Variants in VPS33A observed in about 807,000 individuals in gnomAD.
VPS33A encodes the protein VPS33A core subunit of CORVET and HOPS complexes, also known as vacuolar protein sorting-associated protein 33A.
VPS33A carries 32 observed loss-of-function variants against 71.8 expected under a neutral mutation model. The ratio of observed to expected loss-of-function variants is 0.45; its 90% CI spans 0.34 to 0.60. The LOEUF is 0.60. Ranked by LOEUF, VPS33A falls within the 20% of genes least tolerant of loss-of-function variation. The pLI is 0.02. For synonymous variants in VPS33A, 311 were observed against 292.7 expected, an observed-to-expected ratio of 1.06 and a Z score of -0.64; for missense variants, 625 against 748.5, an observed-to-expected ratio of 0.84 and a Z score of 1.92.
At chr12:122,250,674 A>C (rs1375644538) in intron 5 of VPS33A, among the ~76,000 whole-genome samples, 1 of 152,184 alleles carries the variant, frequency 6.6e-6, no homozygotes, top group Non-Finnish European at 1.5e-5. Flanking sequence ...AAAATATGAC[A>C]GTGAGACTGT....
chr12:122,244,572 G>A lies in VPS33A; in HGVS notation c.966C>T (p.Phe322=), dbSNP rs763113271. 3.3e-5 allele frequency: 52 copies of A among 1,589,338 alleles called. No homozygotes were observed. Among genetic ancestry groups the A allele is most frequent in the South Asian group, 1.4e-4 (13 of 89,972 alleles). Residue 322 remains phenylalanine (F), a synonymous_variant, in exon 7 of 13, where the codon TTC becomes TTT. Transcript: ENST00000267199. ...TGACACCCAAAACTTGCCTCACCTC[G>A]AATGCTGCAGAGATGATCTTTGCTT... ...SKKAKIISAA[F]EERHNAKTVG...
At position 122,242,410 on chromosome 12, in the gene VPS33A, T is replaced by C. The variant is rs1431278139; in HGVS notation, c.1068A>G (p.Ser356=). The change falls in exon 8 of 13, where the codon TCA becomes TCG. Residue 356 remains serine, a synonymous_variant. Transcript: ENST00000267199. ...AARGSLANHT[S]IAELIKDVTT... ...TGACATCTTTGATCAATTCTGCAAT[T>C]GAGGTATGGTTTGCAAGCGAGCCCC... The C allele has an allele frequency of 6.2e-7, 1 of 1,613,958 alleles. No homozygotes were observed. Among genetic ancestry groups the C allele is most frequent in the Admixed American group, 1.7e-5 (1 of 59,986 alleles).
intron 4 of VPS33A, among the ~76,000 whole-genome samples, chr12:122,257,359 G>A (rs968241586): frequency 2.0e-4 from 30 of 150,914 alleles, no homozygotes; most frequent in Admixed American, 1.1e-3. Context: ...CCCAGAAGGC[G>A]GAGGTTGCAG....
In VPS33A at chr12:122,249,906, T is replaced by C; in HGVS notation, c.740A>G (p.Glu247Gly). 1 of 1,614,042 alleles carries C rather than the reference T, an allele frequency of 6.2e-7. No homozygotes were observed. The highest frequency in any genetic ancestry group is 2.2e-5 in the East Asian group (1 of 44,870). ...LTPLATQLTYEGLIDEIYGIQ... is the reference protein window; with the variant it reads ...LTPLATQLTYGGLIDEIYGIQ... ...GCCATAAATTTCATCAATGAGTCCT[T>C]CATATGTCAGCTGAGTGGCAAGAGG... Residue 247 changes from glutamate to glycine, a missense_variant, in exon 6 of 13, where the codon GAA becomes GGA. Transcript: ENST00000267199.
chr12:122,259,982 G>A (rs1209019628), intron 4 of VPS33A, among the ~76,000 whole-genome samples: 1 of 152,078 alleles, frequency 6.6e-6, no homozygotes, highest in Non-Finnish European at 1.5e-5. Flanking sequence ...GGTCAAGGCT[G>A]CAGTGAGGTA....
rs779946870 is a variant in VPS33A at position 122,249,821 on chromosome 12, G to A, written c.775+50C>T. On this transcript the variant is annotated intron_variant, in intron 6 of 12. Coordinates refer to ENST00000267199, the MANE Select transcript of VPS33A (RefSeq NM_022916.6). ...TATACAAACAGTAGCCTCCACAAAG[G>A]ATATTCTTCTCATATTACCTATTAG... 1.0e-5 allele frequency: 16 copies of A among 1,524,490 alleles called. No homozygotes were observed. In the South Asian group the frequency reaches 1.9e-4, roughly 19 times the overall value. The allele number at this position is 1,524,490 out of a possible 1,614,324, so 94.4% of individuals were successfully genotyped here. A position where few individuals can be genotyped will look rare whatever the true frequency, so the allele number is the denominator to read the frequency against.
rs200005421 is a variant in VPS33A at position 122,242,329 on chromosome 12, G to C, written c.1096+53C>G. 9.2e-4 allele frequency: 1,463 copies of C among 1,590,536 alleles called. 33 individuals carry two copies. In the South Asian group the frequency reaches 0.015, roughly 16 times the overall value. ...GGTGTTGATGACCTAGGTGTCAAAC[G>C]TTGTATGTGCAAGTAGCCCCAGACT... On this transcript the variant is annotated intron_variant, in intron 8 of 12. Transcript: ENST00000267199.
At chr12:122,264,223 C>G (rs535427015) in intron 1 of VPS33A, 24 bp from the exon 2 acceptor site, 4 of 1,494,054 alleles carry the variant, frequency 2.7e-6, no homozygotes, top group Non-Finnish European at 3.6e-6. Context: ...GAAACATTCT[C>G]TTATTATAGT....
intron 8 of VPS33A, among the ~76,000 whole-genome samples, chr12:122,241,574 G>T (rs1954715265): frequency 1.3e-5 from 2 of 151,144 alleles, no homozygotes; most frequent in African/African-American, 4.9e-5. Flanking sequence ...CAAAGTGGTG[G>T]GATTACAGAC....
chr12:122,239,749 CAAAAAAAAAA>C (rs5801475), intron 9 of VPS33A, 119 bp downstream of exon 9: 232 of 197,730 alleles, frequency 1.2e-3, no homozygotes, highest in African/African-American at 6.0e-3. Flanking sequence ...GACTCCGTCT[CAAAAAAAAAA>C]AAAAAAAAAA....
At chr12:122,260,700 G>A (rs1954981349) in intron 4 of VPS33A, among the ~76,000 whole-genome samples, 1 of 152,240 alleles carries the variant, frequency 6.6e-6, no homozygotes, top group South Asian at 2.1e-4. Context: ...TATACACAAA[G>A]TTAAGCCAGG....
intron 4 of VPS33A, among the ~76,000 whole-genome samples, chr12:122,257,156 G>A (rs992061846): frequency 1.3e-5 from 2 of 152,088 alleles, no homozygotes; most frequent in Admixed American, 1.3e-4. Context: ...GCCAGGCACA[G>A]TGGCTCACGC....
At position 122,230,297 on chromosome 12, in the gene VPS33A, T is replaced by A. The variant is rs181969401; in HGVS notation, c.*1949A>T. 3 of 152,276 alleles carry A rather than the reference T, an allele frequency of 2.0e-5. No individual in the cohort carries two copies. In the East Asian group the frequency reaches 5.8e-4, roughly 29 times the overall value. The allele number at this position is 152,276 out of a possible 1,614,324, so 9.4% of individuals were successfully genotyped here. A position where few individuals can be genotyped will look rare whatever the true frequency, so the allele number is the denominator to read the frequency against. ...ACCGTGCCCATCAGAACTCCACTAATGGGCCGGGCACGGTGGTTCACACCT... is the reference window on the plus strand; with the variant it reads ...ACCGTGCCCATCAGAACTCCACTAAAGGGCCGGGCACGGTGGTTCACACCT... On this transcript the variant is annotated 3_prime_UTR_variant, in exon 13 of 13. Transcript: ENST00000267199.
intron 6 of VPS33A, among the ~76,000 whole-genome samples, chr12:122,245,240 A>C (rs1449869964): frequency 6.6e-6 from 1 of 152,204 alleles, no homozygotes; most frequent in Non-Finnish European, 1.5e-5. Context: ...CTGTTAGAGA[A>C]GCTAGTGGTG....
intron 11 of VPS33A, among the ~76,000 whole-genome samples, chr12:122,234,340 C>T (rs757148574): frequency 1.3e-5 from 2 of 152,060 alleles, no homozygotes; most frequent in African/African-American, 2.4e-5. Flanking sequence ...TGCAGCAGTG[C>T]AATCTCAGCT....
chr12:122,256,333 G>C (rs1359169807), intron 4 of VPS33A, among the ~76,000 whole-genome samples: 2 of 151,926 alleles, frequency 1.3e-5, no homozygotes, highest in African/African-American at 4.8e-5. Context: ...CAGCAGTTTG[G>C]GAGGCTGAGG....
chr12:122,232,302 T>C lies in VPS33A; in HGVS notation c.1735A>G (p.Thr579Ala). 1 of 1,614,150 alleles carries C rather than the reference T, an allele frequency of 6.2e-7. No homozygotes were observed. The highest frequency in any genetic ancestry group is 2.2e-5 in the East Asian group (1 of 44,890). Reference protein sequence around the residue: ...DGGTEYVIATTKLMNGTSWIE... With the variant: ...DGGTEYVIATAKLMNGTSWIE... ...CAACTGGTTCCATTCATTAGTTTAGTGGTGGCAATGACATATTCTGTACCT... is the reference window on the plus strand; with the variant it reads ...CAACTGGTTCCATTCATTAGTTTAGCGGTGGCAATGACATATTCTGTACCT... Residue 579 changes from threonine to alanine, a missense_variant, in exon 13 of 13, where the codon ACT (threonine) becomes GCT (alanine). Transcript: ENST00000267199.
At chr12:122,235,675 G>T in intron 11 of VPS33A, 111 bp downstream of exon 11, 1 of 1,394,766 alleles carries the variant, frequency 7.2e-7, no homozygotes, top group South Asian at 1.5e-5. Flanking sequence ...AAAAACATTA[G>T]AAAATTGTTT....
chr12:122,232,225 G>T lies in VPS33A; in HGVS notation c.*21C>A. The T allele has an allele frequency of 6.3e-7, 1 of 1,597,574 alleles. No homozygotes were observed. The highest frequency in any genetic ancestry group is 8.5e-7 in the Non-Finnish European group (1 of 1,172,500). On this transcript the variant is annotated 3_prime_UTR_variant, in exon 13 of 13. Coordinates refer to ENST00000267199, the MANE Select transcript of VPS33A (RefSeq NM_022916.6). ...AGGTAGTTTATTCTGCAGTACACTTGTTAAGTCTCCTCTGAACATCCTAGA... is the reference window on the plus strand; with the variant it reads ...AGGTAGTTTATTCTGCAGTACACTTTTTAAGTCTCCTCTGAACATCCTAGA...
Sources: allele counts gnomAD v4.1 joint callset (sites outside exome capture counted in the v4.1 genomes callset), GRCh38; gene constraint gnomAD v4.1.1; transcripts MANE v1.5; gene names NCBI Gene and HGNC (gene_info 2026-07-23, HGNC 2026-07-21).